PPP2R2C: variants seen among roughly 807,000 people sequenced by gnomAD.
PPP2R2C encodes the protein protein phosphatase 2, regulatory subunit B, gamma.
Under a neutral mutation model 45.3 loss-of-function variants are expected in PPP2R2C, and 10 were observed. That is an observed-to-expected ratio of 0.22 (90% CI 0.14 to 0.37). The LOEUF (loss-of-function observed/expected upper bound fraction) is 0.37. Ranked by LOEUF, PPP2R2C falls within the 10% of genes least tolerant of loss-of-function variation. The pLI is 1.00. For synonymous variants in PPP2R2C, 257 were observed against 245.4 expected (o/e 1.05, Z -0.44); for missense variants, 308 against 619.7 (o/e 0.50, Z 5.34).
rs1051520854 is a variant in PPP2R2C at position 6,329,631 on chromosome 4, G to A, written c.961-278C>T. Among the ~76,000 whole-genome samples, 2 of 132,252 alleles carry A rather than the reference G, an allele frequency of 1.5e-5. No homozygotes were observed. Among genetic ancestry groups the A allele is most frequent in the Non-Finnish European group, 3.0e-5 (2 of 67,742 alleles). The allele number at this position is 132,252 out of a possible 152,430, so 86.8% of individuals were successfully genotyped here. A position where few individuals can be genotyped will look rare whatever the true frequency, so the allele number is the denominator to read the frequency against. On this transcript the variant is annotated intron_variant, in intron 7 of 8. Transcript: ENST00000382599. The surrounding 1 kb of genome is among the most constrained non-coding windows in gnomAD (Gnocchi z 5.8). ...TCGGGGGGCCCACGACCAGGCACAC[G>A]GCTGACCTCCACCGTGACACAGCCC...
At chr4:6,405,686 A>T (rs1388727407) in intron 1 of PPP2R2C, among the ~76,000 whole-genome samples, 1 of 152,096 alleles carries the variant, frequency 6.6e-6, no homozygotes, top group Non-Finnish European at 1.5e-5. Context: ...AGGGTCTGGG[A>T]AGCAGCCCCT....
At position 6,345,892 on chromosome 4, in the gene PPP2R2C, T is replaced by C. The variant is rs896750757; in HGVS notation, c.790+1954A>G. ...ACTCCACACTTATCTCCAGGTGGCA[T>C]TACTGCCTGGATATCTGGCTGCCTA... On this transcript the variant is annotated intron_variant, in intron 6 of 8. Transcript: ENST00000382599. The surrounding 1 kb of genome is among the most constrained non-coding windows in gnomAD (Gnocchi z 5.3). Among the ~76,000 whole-genome samples the C allele has an allele frequency of 6.6e-6, 1 of 152,132 alleles. No individual in the cohort carries two copies. The highest frequency in any genetic ancestry group is 6.5e-5 in the Admixed American group (1 of 15,272).
chr4:6,415,335 C>G (rs763648431), intron 1 of PPP2R2C, among the ~76,000 whole-genome samples: 19 of 152,266 alleles, frequency 1.2e-4, no homozygotes, highest in Admixed American at 6.5e-5. Flanking sequence ...GACATTTAGC[C>G]TCTTATTTCA....
intron 2 of PPP2R2C, among the ~76,000 whole-genome samples, chr4:6,530,437 G>A (rs1724357818): frequency 6.6e-6 from 1 of 152,170 alleles, no homozygotes; most frequent in African/African-American, 2.4e-5. Flanking sequence ...GATCCCCTCT[G>A]CCCGGGAGGC....
At chr4:6,384,971 C>G (rs1577133950) in intron 1 of PPP2R2C, 1 of 551,160 alleles carries the variant, frequency 1.8e-6, no homozygotes, top group East Asian at 1.5e-4. Flanking sequence ...TATGGTGGAG[C>G]CTTCCCAGGA....
At chr4:6,497,913 A>G (rs564388981) in intron 2 of PPP2R2C, among the ~76,000 whole-genome samples, 2 of 152,260 alleles carry the variant, frequency 1.3e-5, no homozygotes, top group Admixed American at 1.3e-4. Flanking sequence ...TTAAAATCAC[A>G]TGAGAGACCA....
chr4:6,470,301 T>C (rs529883858), intron 1 of PPP2R2C, among the ~76,000 whole-genome samples: 119 of 152,276 alleles, frequency 7.8e-4, no homozygotes, highest in Non-Finnish European at 1.6e-3. Context: ...ATATCTCGTG[T>C]CTGGATGAAG....
intron 2 of PPP2R2C, among the ~76,000 whole-genome samples, chr4:6,503,808 A>AC (rs397992182): frequency 4.2e-4 from 62 of 147,070 alleles, no homozygotes; most frequent in African/African-American, 1.6e-3. Flanking sequence ...AAAAAAAAAA[A>AC]CAAAAACTGA....
Position 6,430,476 on chromosome 4 carries a change from T to G in PPP2R2C, c.70+41684A>C, listed in dbSNP as rs35955148. On this transcript the variant is annotated intron_variant, in intron 1 of 8. Transcript: ENST00000382599. ...ACGTGACTCCCCCACTCCAGAGTGC[T>G]GGGGAGAAGTGGTTTACAAAGTCTC... is the stretch of plus-strand genomic sequence containing the variant. 4.1e-3 allele frequency among the ~76,000 whole-genome samples: 627 copies of G among 152,284 alleles called. 1 individual carries two copies. Among genetic ancestry groups the G allele is most frequent in the Middle Eastern group, 0.027 (8 of 294 alleles).
At chr4:6,558,161 C>G (rs1725469583) in intron 1 of PPP2R2C, among the ~76,000 whole-genome samples, 2 of 152,222 alleles carry the variant, frequency 1.3e-5, no homozygotes, top group South Asian at 4.1e-4. Flanking sequence ...GATCGCATCC[C>G]AACACCGAGT....
chr4:6,557,622 G>C (rs537915420), intron 1 of PPP2R2C, among the ~76,000 whole-genome samples: 2 of 152,146 alleles, frequency 1.3e-5, no homozygotes, highest in Non-Finnish European at 2.9e-5. Context: ...TACCAAGGTC[G>C]GGAAAAAGGC....
chr4:6,401,232 T>C (rs1717389816), intron 1 of PPP2R2C, among the ~76,000 whole-genome samples: 2 of 152,098 alleles, frequency 1.3e-5, no homozygotes, highest in Non-Finnish European at 2.9e-5. Flanking sequence ...GTGAAGACTT[T>C]CCCCTCCATC....
rs114085442 is a variant in PPP2R2C, at chr4:6,446,628, T to C, written c.70+25532A>G. ...TAGGAACTGATGAATCTTGTCATCCTGGGGCACGTCTGCAGGCCTCCGAGT... is the reference window on the plus strand; with the variant it reads ...TAGGAACTGATGAATCTTGTCATCCCGGGGCACGTCTGCAGGCCTCCGAGT... On this transcript the variant is annotated intron_variant, in intron 1 of 8. Coordinates refer to ENST00000382599, the MANE Select transcript of PPP2R2C (RefSeq NM_020416.4). Among the ~76,000 whole-genome samples, 1,490 of 152,228 alleles carry C rather than the reference T, an allele frequency of 9.8e-3. 32 individuals are homozygous for C. Among genetic ancestry groups the C allele is most frequent in the African/African-American group, 0.033 (1,368 of 41,534 alleles).
chr4:6,404,734 G>T (rs1428296638), intron 1 of PPP2R2C, among the ~76,000 whole-genome samples: 1 of 152,210 alleles, frequency 6.6e-6, no homozygotes, highest in African/African-American at 2.4e-5. Flanking sequence ...GCAGGGGTCT[G>T]CACCAAGCAC....
At position 6,471,931 on chromosome 4, in the gene PPP2R2C, C is replaced by G. The variant is rs1260169805; in HGVS notation, c.70+229G>C. On this transcript the variant is annotated intron_variant, in intron 1 of 8. Coordinates refer to ENST00000382599, the MANE Select transcript of PPP2R2C (RefSeq NM_020416.4). This position sits in a 1 kb window ranked among gnomAD's most constrained non-coding sequence, Gnocchi z 5.6. Reference sequence around the variant, plus strand: ...GAGGGCGGCGCGGAGGAGGGCGCTGCCCTGTGCCGGCGCTGGGCAGCGGAG... The same window carrying G: ...GAGGGCGGCGCGGAGGAGGGCGCTGGCCTGTGCCGGCGCTGGGCAGCGGAG... Among the ~76,000 whole-genome samples, 2 of 150,450 alleles carry G rather than the reference C, an allele frequency of 1.3e-5. No individual in the cohort carries two copies. The highest frequency in any genetic ancestry group is 3.0e-5 in the Non-Finnish European group (2 of 67,524).
At chr4:6,494,499 G>A (rs754625638) in intron 2 of PPP2R2C, among the ~76,000 whole-genome samples, 3 of 152,186 alleles carry the variant, frequency 2.0e-5, no homozygotes, top group Admixed American at 6.5e-5. Context: ...ATGTAACACC[G>A]AAGCACTGGT....
chr4:6,449,923 C>A (rs1360969557), intron 1 of PPP2R2C, among the ~76,000 whole-genome samples: 1 of 152,246 alleles, frequency 6.6e-6, no homozygotes, highest in African/African-American at 2.4e-5. Flanking sequence ...CCACCCCAAT[C>A]TGCTGGCAGA....
upstream of PPP2R2C, among the ~76,000 whole-genome samples, chr4:6,473,493 G>A (rs1310308373): frequency 6.6e-6 from 1 of 152,214 alleles, no homozygotes; most frequent in Non-Finnish European, 1.5e-5. Flanking sequence ...AGGTGTGGGT[G>A]AGGAACCATC....
In PPP2R2C at chr4:6,511,448, TGGTGGTGATGATGAC is replaced by T. The variant is rs1415197712; in HGVS notation, c.49+23808_49+23822del. Among the ~76,000 whole-genome samples the T allele has an allele frequency of 4.3e-4, 62 of 144,082 alleles. 7 individuals are homozygous for T. Among genetic ancestry groups the T allele is most frequent in the African/African-American group, 1.1e-3 (42 of 38,692 alleles). 94.5% of individuals were successfully genotyped at this position (144,082 alleles called of 152,430 possible). A position where few individuals can be genotyped will look rare whatever the true frequency, so the allele number is the denominator to read the frequency against. The stretch of plus-strand genomic sequence containing the variant: ...GTGGTGATGGTGGTGGTGACGGTGG[TGGTGGTGATGATGAC>T]GGTGGTGGTGGTGATGGCGGTGTTG... On this transcript the variant is annotated intron_variant, in intron 2 of 9. Coordinates refer to the PPP2R2C transcript ENST00000506140.
Sources: gnomAD v4.1 joint callset for allele counts (sites outside exome capture counted in the v4.1 genomes callset) on GRCh38, gnomAD v4.1.1 for gene constraint, Gnocchi (gnomAD v3.1) non-coding constraint, MANE v1.5 for transcripts, NCBI Gene and HGNC (gene_info 2026-07-23, HGNC 2026-07-21) for gene names.